PDPK1: variants seen among roughly 807,000 people sequenced by gnomAD.
PDPK1 encodes 3-phosphoinositide-dependent protein kinase 1.
In PDPK1, 7 loss-of-function variants were observed where a neutral mutation model predicts 39.8. That is an observed-to-expected ratio of 0.18 (90% confidence interval 0.10 to 0.33). PDPK1 has a LOEUF of 0.33. Ranked by LOEUF, PDPK1 falls within the 10% of genes least tolerant of loss-of-function variation. The pLI is 1.00. For synonymous variants in PDPK1, 118 were observed against 159.1 expected, an observed-to-expected ratio of 0.74 and a Z score of 1.95; for missense variants, 182 against 384.7, an observed-to-expected ratio of 0.47 and a Z score of 4.41.
intron 11 of PDPK1, among the ~76,000 whole-genome samples, chr16:2,587,240 C>T (rs2066895883): frequency 6.6e-6 from 1 of 152,146 alleles, no homozygotes; most frequent in Non-Finnish European, 1.5e-5. Flanking sequence ...TAGCTTTCCC[C>T]ACTTGTCCAT....
rs2067238129 is a variant in PDPK1 at position 2,602,506 on chromosome 16, C to G, written c.*4739C>G. 1 of 234,680 alleles carries G rather than the reference C, an allele frequency of 4.3e-6. No homozygotes were observed. 14.5% of individuals were successfully genotyped at this position (234,680 alleles called of 1,614,324 possible). A position where few individuals can be genotyped will look rare whatever the true frequency, so the allele number is the denominator to read the frequency against. On this transcript the variant is annotated 3_prime_UTR_variant, in exon 14 of 14. Coordinates refer to ENST00000342085, the MANE Select transcript of PDPK1 (RefSeq NM_002613.5). Reference sequence around the variant, plus strand: ...AGAGAACTTTTTACAAAAGGCAGACCTTTTTTAAGCTGTGTAACCCACATA... The same window carrying G: ...AGAGAACTTTTTACAAAAGGCAGACGTTTTTTAAGCTGTGTAACCCACATA...
chr16:2,586,450 C>T (rs571314333), intron 10 of PDPK1, among the ~76,000 whole-genome samples: 2 of 152,378 alleles, frequency 1.3e-5, no homozygotes, highest in East Asian at 3.9e-4. Flanking sequence ...CCTCTCTGGC[C>T]CTGATTCCCA....
chr16:2,597,928 A>T lies in PDPK1; in HGVS notation c.*161A>T. On this transcript the variant is annotated 3_prime_UTR_variant, in exon 14 of 14. Transcript: ENST00000342085. This position sits in a 1 kb window ranked among gnomAD's most constrained non-coding sequence, Gnocchi z 6.3. ...TATTTAAAAGAAAAGAAGAAAAAAAACACCCAACCACACAAAGAACAAAAC... is the reference window on the plus strand; with the variant it reads ...TATTTAAAAGAAAAGAAGAAAAAAATCACCCAACCACACAAAGAACAAAAC... The T allele has an allele frequency of 1.7e-6, 1 of 592,074 alleles. No homozygotes were observed. The highest frequency in any genetic ancestry group is 3.0e-6 in the Non-Finnish European group (1 of 333,516). 36.7% of individuals were successfully genotyped at this position (592,074 alleles called of 1,614,324 possible).
chr16:2,592,391 TC>T (rs1319287584), intron 11 of PDPK1: 1 of 272,354 alleles, frequency 3.7e-6, no homozygotes, highest in Non-Finnish European at 7.2e-6. Context: ...CTCCAGGTCT[TC>T]AGCTCTTGCC....
At chr16:2,590,657 G>C in intron 11 of PDPK1, among the ~76,000 whole-genome samples, 1 of 152,176 alleles carries the variant, frequency 6.6e-6, no homozygotes, top group Non-Finnish European at 1.5e-5. Context: ...GAATGAGCTT[G>C]TTACTTTAAG....
At position 2,546,091 on chromosome 16, in the gene PDPK1, CT is replaced by C. The variant is rs35595994; in HGVS notation, c.24+7964del. Reference sequence around the variant, plus strand: ...TTAGGAGATGATGAGCTAAAGGTAACTTTTTTTTTCAAGATGGAGTCTCACT... The same window carrying C: ...TTAGGAGATGATGAGCTAAAGGTAACTTTTTTTTCAAGATGGAGTCTCACT... On this transcript the variant is annotated intron_variant, in intron 1 of 13. Transcript: ENST00000342085. 5.3e-3 allele frequency among the ~76,000 whole-genome samples: 799 copies of C among 151,502 alleles called. 4 individuals are homozygous for C. Among genetic ancestry groups the C allele is most frequent in the African/African-American group, 0.017 (721 of 41,290 alleles).
At chr16:2,556,467 C>T (rs1189796827) in intron 1 of PDPK1, among the ~76,000 whole-genome samples, 3 of 128,378 alleles carry the variant, frequency 2.3e-5, no homozygotes, top group African/African-American at 6.5e-5. Context: ...CAGGTTGAAG[C>T]GATTCTCCTG....
chr16:2,540,829 T>G (rs187890721), intron 1 of PDPK1, among the ~76,000 whole-genome samples: 107 of 152,308 alleles, frequency 7.0e-4, no homozygotes, highest in African/African-American at 2.5e-3. Context: ...TGTAATGATT[T>G]TGCTGAAGGT....
At chr16:2,538,333 G>A (rs1447277857) in intron 1 of PDPK1, 197 bp downstream of exon 1, 1 of 409,936 alleles carries the variant, frequency 2.4e-6, no homozygotes, top group Non-Finnish European at 4.4e-6. Flanking sequence ...CCGGGCCTGG[G>A]TTGCGGCGGG....
At chr16:2,577,557 T>C in intron 7 of PDPK1, 57 bp downstream of exon 7, 1 of 1,249,966 alleles carries the variant, frequency 8.0e-7, no homozygotes, top group South Asian at 1.3e-5. Context: ...AATTAATATT[T>C]GAGAGAGTGA....
rs1462302447 is a variant in PDPK1, at chr16:2,601,526, G to A, written c.*3759G>A. On this transcript the variant is annotated 3_prime_UTR_variant, in exon 14 of 14. Coordinates refer to ENST00000342085, the MANE Select transcript of PDPK1 (RefSeq NM_002613.5). ...AATTTGCATCTGCACAGTCAGCAGA[G>A]ATAACAAGTGTTGAACTGACCTTGC... 4 of 234,474 alleles carry A rather than the reference G, an allele frequency of 1.7e-5. No individual in the cohort carries two copies. Among genetic ancestry groups the A allele is most frequent in the Non-Finnish European group, 3.4e-5 (4 of 117,914 alleles). The allele number at this position is 234,474 out of a possible 1,614,324, so 14.5% of individuals were successfully genotyped here.
chr16:2,552,335 A>G (rs1052535483), intron 1 of PDPK1, among the ~76,000 whole-genome samples: 6 of 150,946 alleles, frequency 4.0e-5, no homozygotes, highest in African/African-American at 1.5e-4. Context: ...AAAGAAATTG[A>G]AACTCTAAGT....
At chr16:2,545,596 G>A (rs2066327839) in intron 1 of PDPK1, among the ~76,000 whole-genome samples, 1 of 152,118 alleles carries the variant, frequency 6.6e-6, no homozygotes, top group African/African-American at 2.4e-5. Flanking sequence ...CTGGGTTCAA[G>A]CAATTCTCCT....
At chr16:2,587,063 C>T (rs750545279) in intron 11 of PDPK1, among the ~76,000 whole-genome samples, 170 bp downstream of exon 11, 1 of 152,226 alleles carries the variant, frequency 6.6e-6, no homozygotes, top group African/African-American at 2.4e-5. Context: ...AGGAGGCAGC[C>T]GGCCCAGGGG....
chr16:2,547,326 C>G (rs1386390965), intron 1 of PDPK1, among the ~76,000 whole-genome samples: 420 of 136,644 alleles, frequency 3.1e-3, no homozygotes, highest in Admixed American at 4.2e-3. Context: ...AGGGAGTACA[C>G]AGCTCCTTCA....
intron 1 of PDPK1, among the ~76,000 whole-genome samples, chr16:2,545,010 A>G (rs188483891): frequency 2.7e-5 from 4 of 150,628 alleles, no homozygotes; most frequent in Admixed American, 2.0e-4. Flanking sequence ...CCTCTTCATC[A>G]TCACATCCGA....
intron 1 of PDPK1, among the ~76,000 whole-genome samples, chr16:2,541,127 T>C (rs9938645): frequency 0.067 from 10,191 of 152,182 alleles, 1,134 homozygotes; most frequent in African/African-American, 0.23. Flanking sequence ...TTGTTCTGCT[T>C]TTCTGAGATG....
intron 10 of PDPK1, among the ~76,000 whole-genome samples, chr16:2,585,896 T>C (rs994850716): frequency 1.3e-5 from 2 of 152,226 alleles, no homozygotes; most frequent in Non-Finnish European, 2.9e-5. Context: ...ACTCTTATCC[T>C]AGCCATTGCT....
intron 1 of PDPK1, among the ~76,000 whole-genome samples, chr16:2,540,821 T>A (rs2141932916): frequency 6.6e-6 from 1 of 151,530 alleles, no homozygotes; most frequent in South Asian, 2.1e-4. Flanking sequence ...AAGAAACATG[T>A]AATGATTTTG....
Sources: gnomAD v4.1 joint callset for allele counts (sites outside exome capture counted in the v4.1 genomes callset) on GRCh38, gnomAD v4.1.1 for gene constraint, Gnocchi (gnomAD v3.1) non-coding constraint, MANE v1.5 for transcripts, NCBI Gene and HGNC (gene_info 2026-07-23, HGNC 2026-07-21) for gene names.